MTFR1: variants seen among roughly 807,000 people sequenced by gnomAD.
MTFR1 encodes mitochondrial fission regulator 1.
A neutral mutation model predicts 38.8 loss-of-function variants in MTFR1; 28 were observed. That is an observed-to-expected ratio of 0.72 (90% confidence interval 0.53 to 0.99). MTFR1 has a LOEUF of 0.99. Ranked by LOEUF, MTFR1 falls within the 50% of genes least tolerant of loss-of-function variation. MTFR1 has a pLI of 0.00. For synonymous variants in MTFR1, 145 were observed against 137.0 expected (o/e 1.06, Z -0.41); for missense variants, 358 against 395.5 (o/e 0.91, Z 0.81).
chr8:65,701,776 C>T lies in MTFR1; in HGVS notation c.282-2918C>T, dbSNP rs990386404. On this transcript the variant is annotated intron_variant, in intron 4 of 7. Transcript: ENST00000262146. ...AGGAGTGTCAGGGAAGATCCCCAAC[C>T]TCTTAGAGGGTGACAGAGTAGCAAG... Among the ~76,000 whole-genome samples, 4 of 152,186 alleles carry T rather than the reference C, an allele frequency of 2.6e-5. No homozygotes were observed. In the East Asian group the frequency reaches 7.7e-4, roughly 29 times the overall value.
chr8:65,666,996 C>T (rs1427325592), intron 1 of MTFR1, among the ~76,000 whole-genome samples: 3 of 152,048 alleles, frequency 2.0e-5, no homozygotes, highest in African/African-American at 7.2e-5. Flanking sequence ...ATTTTCCGGC[C>T]AGACGCGGTG....
downstream of MTFR1, among the ~76,000 whole-genome samples, chr8:65,772,579 T>C (rs1809136623): frequency 6.6e-6 from 1 of 152,148 alleles, no homozygotes; most frequent in Admixed American, 6.5e-5. Context: ...TATCTTCAAC[T>C]AGTGCAAGGG....
At chr8:65,723,362 TA>T in intron 3 of MTFR1, 1 of 497,112 alleles carries the variant, frequency 2.0e-6, no homozygotes, top group Non-Finnish European at 3.1e-6. Flanking sequence ...TTTTACATCC[TA>T]AAATTAAATG....
intron 4 of MTFR1, among the ~76,000 whole-genome samples, chr8:65,703,062 A>C (rs184841183): frequency 3.3e-5 from 5 of 151,954 alleles, no homozygotes; most frequent in Non-Finnish European, 5.9e-5. Flanking sequence ...AAGAAACATC[A>C]GTTAACTGTT....
At chr8:65,754,232 G>A (rs1157122426) in intron 3 of MTFR1, among the ~76,000 whole-genome samples, 4 of 151,990 alleles carry the variant, frequency 2.6e-5, no homozygotes, top group Non-Finnish European at 1.5e-5. Context: ...GCTGGCAGCT[G>A]ATTAGATGGT....
chr8:65,773,220 C>A (rs1456746888), downstream of MTFR1, among the ~76,000 whole-genome samples: 1 of 152,026 alleles, frequency 6.6e-6, no homozygotes, highest in African/African-American at 2.4e-5. Flanking sequence ...GAATTCCAAG[C>A]TGTGTGATAA....
intron 3 of MTFR1, among the ~76,000 whole-genome samples, chr8:65,686,022 A>G (rs532291820): frequency 6.6e-6 from 1 of 152,326 alleles, no homozygotes; most frequent in East Asian, 1.9e-4. Flanking sequence ...AGGAACTATT[A>G]AAGTGGGAGA....
At chr8:65,711,219 G>T (rs960483185), downstream of MTFR1, among the ~76,000 whole-genome samples, 3 of 152,206 alleles carry the variant, frequency 2.0e-5, no homozygotes, top group Admixed American at 1.3e-4. Flanking sequence ...TGGCATAGGA[G>T]GGGTAGGACT....
Position 65,755,536 on chromosome 8 carries a change from T to G in MTFR1, c.*49-15411T>G, listed in dbSNP as rs1388999337. ...CACTGCTCGTATGCATCTCCAATCC[T>G]CCTCCTTCCTATTGTTATTATCACA... On this transcript the variant is annotated intron_variant, in intron 3 of 3. Transcript: ENST00000521247. Among the ~76,000 whole-genome samples the G allele has an allele frequency of 5.3e-5, 8 of 152,208 alleles. No individual in the cohort carries two copies. The East Asian group carries it at 1.3e-3, about 26-fold the overall frequency.
intron 1 of MTFR1, among the ~76,000 whole-genome samples, chr8:65,650,405 C>G (rs1199367964): frequency 6.6e-6 from 1 of 151,992 alleles, no homozygotes; most frequent in African/African-American, 2.4e-5. Context: ...AACTCCTGAC[C>G]TTGTGATCCA....
chr8:65,687,835 C>T (rs143154768), intron 3 of MTFR1, among the ~76,000 whole-genome samples: 1 of 151,970 alleles, frequency 6.6e-6, no homozygotes, highest in South Asian at 2.1e-4. Context: ...CGCGGTGGCC[C>T]ACACCTAAAA....
chr8:65,733,446 A>AT (rs950496082), intron 3 of MTFR1, among the ~76,000 whole-genome samples: 1 of 152,108 alleles, frequency 6.6e-6, no homozygotes, highest in Non-Finnish European at 1.5e-5. Context: ...TGGCCCAGAG[A>AT]TTTTTTTGAA....
intron 3 of MTFR1, among the ~76,000 whole-genome samples, chr8:65,720,972 C>G (rs982660416): frequency 2.0e-5 from 3 of 152,168 alleles, no homozygotes; most frequent in African/African-American, 7.2e-5. Flanking sequence ...TCTCACTGTT[C>G]CAACTGGTTG....
intron 4 of MTFR1, among the ~76,000 whole-genome samples, chr8:65,698,896 T>G (rs1805530637): frequency 6.6e-6 from 1 of 152,122 alleles, no homozygotes; most frequent in Non-Finnish European, 1.5e-5. Context: ...GCCCACCTAA[T>G]TTTTGAATTT....
At chr8:65,697,531 A>T (rs1210901683) in intron 4 of MTFR1, among the ~76,000 whole-genome samples, 1 of 152,228 alleles carries the variant, frequency 6.6e-6, no homozygotes, top group Non-Finnish European at 1.5e-5. Context: ...GCAGTAGTTG[A>T]TGGACATCTA....
At chr8:65,668,731 C>G (rs1804471879) in intron 1 of MTFR1, among the ~76,000 whole-genome samples, 1 of 152,016 alleles carries the variant, frequency 6.6e-6, no homozygotes, top group Non-Finnish European at 1.5e-5. Context: ...CCAGGCTGGT[C>G]TCAAACTCCT....
chr8:65,775,512 G>T (rs1809234385), downstream of MTFR1, among the ~76,000 whole-genome samples: 1 of 152,294 alleles, frequency 6.6e-6, no homozygotes, highest in Admixed American at 6.5e-5. Flanking sequence ...TTTGACCCAA[G>T]AAGTACTTAT....
At chr8:65,719,288 G>A (rs1336712865) in intron 2 of MTFR1, 1 of 1,608,818 alleles carries the variant, frequency 6.2e-7, no homozygotes, top group South Asian at 1.1e-5. Flanking sequence ...TGGTTCTGGG[G>A]GTTATGATAA....
At chr8:65,723,731 CTCA>C in intron 3 of MTFR1, 3 of 711,596 alleles carry the variant, frequency 4.2e-6, no homozygotes, top group Non-Finnish European at 6.3e-6. Flanking sequence ...ATACTTAATC[CTCA>C]TGAGAGGACA....
Sources: allele counts gnomAD v4.1 joint callset (sites outside exome capture counted in the v4.1 genomes callset), GRCh38; gene constraint gnomAD v4.1.1; transcripts MANE v1.5; gene names NCBI Gene and HGNC (gene_info 2026-07-23, HGNC 2026-07-21).